The following LRRIQ3 variants were observed in gnomAD, a reference collection of about 807,000 sequenced individuals.
The protein encoded by LRRIQ3 is leucine rich repeats and IQ motif containing 3.
In LRRIQ3, 75 loss-of-function variants were observed where a neutral mutation model predicts 59.3. The observed-to-expected ratio is 1.26, with a 90% CI of 1.05 to 1.53. The LOEUF (loss-of-function observed/expected upper bound fraction) is 1.53. Among genes scored for constraint, LRRIQ3 ranks in the 40% most tolerant of loss-of-function variants. The pLI is 0.00. For missense variants in LRRIQ3, 831 were observed against 710.0 expected (o/e 1.17, Z -1.94); for synonymous variants, 250 against 231.3 (o/e 1.08, Z -0.73).
At chr1:74,092,809 A>G (rs944696337) in intron 5 of LRRIQ3, among the ~76,000 whole-genome samples, 1 of 152,012 alleles carries the variant, frequency 6.6e-6, no homozygotes, top group Non-Finnish European at 1.5e-5. Context: ...CGTTCCTCAA[A>G]TTGAAGCGGT....
At position 74,026,407 on chromosome 1, in the gene LRRIQ3, T is replaced by G. The variant is rs1261204623; in HGVS notation, c.*406A>C. 1 of 152,692 alleles carries G rather than the reference T, an allele frequency of 6.5e-6. No homozygotes were observed. Among genetic ancestry groups the G allele is most frequent in the Non-Finnish European group, 1.5e-5 (1 of 68,422 alleles). 9.5% of individuals were successfully genotyped at this position (152,692 alleles called of 1,614,324 possible). On this transcript the variant is annotated 3_prime_UTR_variant, in exon 8 of 8. Coordinates refer to ENST00000354431, the MANE Select transcript of LRRIQ3 (RefSeq NM_001105659.2). Reference sequence around the variant, plus strand: ...ATATAAAAGCAGGTAATAAAAGTCATCAACGTACACAGTGTCTTAATAAAA... The same window carrying G: ...ATATAAAAGCAGGTAATAAAAGTCAGCAACGTACACAGTGTCTTAATAAAA...
chr1:74,183,521 C>T lies in LRRIQ3; in HGVS notation c.164G>A (p.Cys55Tyr), dbSNP rs748449653. The T allele has an allele frequency of 1.9e-6, 3 of 1,610,988 alleles. No homozygotes were observed. Among genetic ancestry groups the T allele is most frequent in the Admixed American group, 3.3e-5 (2 of 59,766 alleles). Residue 55 changes from cysteine (C) to tyrosine (Y), a missense_variant, in exon 2 of 8, where the codon TGC (cysteine) becomes TAC (tyrosine). Transcript: ENST00000354431. Reference sequence around the variant, plus strand: ...TGTAATAAAATTGTTTGAGAAGATGCATACTCTAAGAGAGATGCAAGACTG... The same window carrying T: ...TGTAATAAAATTGTTTGAGAAGATGTATACTCTAAGAGAGATGCAAGACTG... ...NLQSCISLRV[C>Y]IFSNNFITDI...
intron 4 of LRRIQ3, among the ~76,000 whole-genome samples, chr1:74,147,349 A>G (rs565244673): frequency 3.9e-5 from 6 of 152,158 alleles, no homozygotes; most frequent in Non-Finnish European, 8.8e-5. Context: ...GAAATAAATA[A>G]ATTTTTCTCT....
chr1:74,088,019 G>T (rs2100510584), intron 5 of LRRIQ3, among the ~76,000 whole-genome samples: 1 of 152,192 alleles, frequency 6.6e-6, no homozygotes, highest in African/African-American at 2.4e-5. Flanking sequence ...CTTGAACCCA[G>T]GAGGCAGAAG....
intron 5 of LRRIQ3, chr1:74,083,072 A>C (rs1437741618): frequency 6.6e-6 from 1 of 151,668 alleles, no homozygotes; most frequent in Non-Finnish European, 1.5e-5. Flanking sequence ...CTTTTTATCA[A>C]ATGATGGATT....
intron 5 of LRRIQ3, among the ~76,000 whole-genome samples, chr1:74,100,344 T>C (rs1416919739): frequency 2.0e-5 from 3 of 151,982 alleles, no homozygotes; most frequent in East Asian, 3.9e-4. Flanking sequence ...AGAATCCAAC[T>C]TACAAGGGAT....
At chr1:74,192,235 A>AT (rs1313139276) in intron 1 of LRRIQ3, among the ~76,000 whole-genome samples, 2 of 151,988 alleles carry the variant, frequency 1.3e-5, no homozygotes, top group African/African-American at 4.8e-5. Flanking sequence ...TTCAGAGTTA[A>AT]TTTTTTTCCA....
rs375091936 is a variant in LRRIQ3, at chr1:74,092,800, G to A, written c.867+16594C>T. Reference sequence around the variant, plus strand: ...GTGTAGGTGAAAAAACCAACATCTCGTTCCTCAAATTGAAGCGGTTACAAT... The same window carrying A: ...GTGTAGGTGAAAAAACCAACATCTCATTCCTCAAATTGAAGCGGTTACAAT... On this transcript the variant is annotated intron_variant, in intron 5 of 7. Coordinates refer to ENST00000354431, the MANE Select transcript of LRRIQ3 (RefSeq NM_001105659.2). Among the ~76,000 whole-genome samples the A allele has an allele frequency of 1.6e-3, 241 of 152,042 alleles. 2 individuals are homozygous for A. The highest frequency in any genetic ancestry group is 5.6e-3 in the South Asian group (27 of 4,822).
chr1:74,057,249 A>T (rs1242770670), intron 6 of LRRIQ3, among the ~76,000 whole-genome samples: 1 of 152,116 alleles, frequency 6.6e-6, no homozygotes, highest in Non-Finnish European at 1.5e-5. Context: ...GATCCTGAAT[A>T]TCCAAAGCAA....
chr1:74,183,621 T>G lies in LRRIQ3; in HGVS notation c.64A>C (p.Asn22His). The change falls in exon 2 of 8, where the codon AAC (asparagine) becomes CAC (histidine). Residue 22 changes from asparagine to histidine, a missense_variant. Transcript: ENST00000354431. ...AAATCTTTTTGACCTTCTCTTATGT[T>G]TTCATTATAGTGACTCCATTCTTCA... ...SHEEWSHYNENIREGQKDFVF... is the reference protein window; with the variant it reads ...SHEEWSHYNEHIREGQKDFVF... 1.9e-6 allele frequency: 3 copies of G among 1,612,016 alleles called. No individual in the cohort carries two copies. The highest frequency in any genetic ancestry group is 2.5e-6 in the Non-Finnish European group (3 of 1,178,738).
At chr1:74,177,900 C>T (rs912379799) in intron 3 of LRRIQ3, among the ~76,000 whole-genome samples, 3 of 151,806 alleles carry the variant, frequency 2.0e-5, no homozygotes, top group African/African-American at 7.3e-5. Flanking sequence ...TTATGTTTTC[C>T]TTCCACTATA....
chr1:74,080,859 A>G (rs774196537), intron 5 of LRRIQ3, among the ~76,000 whole-genome samples: 2 of 151,582 alleles, frequency 1.3e-5, no homozygotes, highest in Non-Finnish European at 3.0e-5. Context: ...ATGTATGGCA[A>G]GTAAATAGGG....
chr1:74,114,026 T>G (rs1646741821), intron 4 of LRRIQ3, among the ~76,000 whole-genome samples: 1 of 151,646 alleles, frequency 6.6e-6, no homozygotes, highest in Non-Finnish European at 1.5e-5. Flanking sequence ...TGTATATTGT[T>G]ATATATATAC....
chr1:74,112,725 G>A (rs1311181582), intron 4 of LRRIQ3, among the ~76,000 whole-genome samples: 1 of 152,110 alleles, frequency 6.6e-6, no homozygotes, highest in Non-Finnish European at 1.5e-5. Flanking sequence ...GACTATAGCT[G>A]GTGCACGCTC....
At chr1:74,144,172 C>T (rs1242281161) in intron 4 of LRRIQ3, among the ~76,000 whole-genome samples, 1 of 151,864 alleles carries the variant, frequency 6.6e-6, no homozygotes, top group East Asian at 1.9e-4. Flanking sequence ...ATTTGAAAGA[C>T]AAATTAGCTA....
intron 4 of LRRIQ3, among the ~76,000 whole-genome samples, chr1:74,126,877 T>C (rs963289924): frequency 6.6e-6 from 1 of 151,970 alleles, no homozygotes; most frequent in Non-Finnish European, 1.5e-5. Context: ...TGGTCTATAA[T>C]GTAGTCTAAG....
At chr1:74,037,063 T>C (rs184540253) in intron 7 of LRRIQ3, among the ~76,000 whole-genome samples, 1 of 152,368 alleles carries the variant, frequency 6.6e-6, no homozygotes, top group African/African-American at 2.4e-5. Flanking sequence ...TTCTCAGTGG[T>C]TGTTATATGA....
intron 6 of LRRIQ3, among the ~76,000 whole-genome samples, chr1:74,063,232 G>A (rs985591748): frequency 1.3e-5 from 2 of 151,622 alleles, no homozygotes; most frequent in Admixed American, 1.3e-4. Flanking sequence ...CATTTCTAAT[G>A]TAATCTCATA....
chr1:74,140,444 A>C (rs1647213442), intron 4 of LRRIQ3, among the ~76,000 whole-genome samples: 1 of 145,362 alleles, frequency 6.9e-6, no homozygotes, highest in African/African-American at 2.8e-5. Context: ...ACTATAATGA[A>C]ATAATAATAA....
Sources: gnomAD v4.1 joint callset for allele counts (sites outside exome capture counted in the v4.1 genomes callset) on GRCh38, gnomAD v4.1.1 for gene constraint, MANE v1.5 for transcripts, NCBI Gene and HGNC (gene_info 2026-07-23, HGNC 2026-07-21) for gene names.